The following NELL2 variants were observed in gnomAD, a reference collection of about 807,000 sequenced individuals.
NELL2 encodes the protein protein kinase C-binding protein NELL2.
Under a neutral mutation model 109.6 loss-of-function variants are expected in NELL2, and 41 were observed. The ratio of observed to expected loss-of-function variants is 0.37; its 90% CI spans 0.29 to 0.49. NELL2 has a LOEUF of 0.49. Ranked by LOEUF, NELL2 falls within the 20% of genes least tolerant of loss-of-function variation. The pLI is 0.98. For missense variants in NELL2, 900 were observed against 1,008.3 expected (o/e 0.89, Z 1.45); for synonymous variants, 355 against 344.7 (o/e 1.03, Z -0.33).
chr12:44,887,024 T>C (rs1475929929), intron 1 of NELL2, among the ~76,000 whole-genome samples: 4 of 152,100 alleles, frequency 2.6e-5, no homozygotes, highest in African/African-American at 9.7e-5. Flanking sequence ...CATCCAGTGA[T>C]AGACACTTAG....
chr12:44,799,580 A>G (rs980388881), intron 3 of NELL2, among the ~76,000 whole-genome samples: 1 of 152,128 alleles, frequency 6.6e-6, no homozygotes, highest in African/African-American at 2.4e-5. Context: ...ATAATATATT[A>G]TATTCTTCTA....
chr12:44,745,526 T>C (rs898418254), intron 9 of NELL2, among the ~76,000 whole-genome samples: 1 of 152,172 alleles, frequency 6.6e-6, no homozygotes, highest in Non-Finnish European at 1.5e-5. Context: ...TGTTTGCAGA[T>C]TACATGATTG....
chr12:44,645,110 T>A (rs2136307347), intron 13 of NELL2, among the ~76,000 whole-genome samples: 1 of 152,110 alleles, frequency 6.6e-6, no homozygotes, highest in Admixed American at 6.5e-5. Flanking sequence ...AAAAGAAGAC[T>A]GAAATTTCTT....
chr12:44,718,816 A>C (rs1938619190), intron 9 of NELL2, among the ~76,000 whole-genome samples: 1 of 152,192 alleles, frequency 6.6e-6, no homozygotes, highest in Non-Finnish European at 1.5e-5. Context: ...TATTAATATT[A>C]AACAATGTGA....
chr12:44,880,307 T>C (rs1862007919), upstream of NELL2, among the ~76,000 whole-genome samples: 2 of 152,000 alleles, frequency 1.3e-5, no homozygotes, highest in Admixed American at 1.3e-4. Flanking sequence ...AGAGTAGACA[T>C]ATCTCAAAAG....
rs772117812 is a variant in NELL2 at position 44,756,692 on chromosome 12, G to C, written c.994+18055C>G. The stretch of plus-strand genomic sequence containing the variant: ...TACCTCCTAAAATACTCTTCCTTTA[G>C]CTTCCTTGGTACAATAATACTTCTG... On this transcript the variant is annotated intron_variant, in intron 9 of 19. Transcript: ENST00000429094. Among the ~76,000 whole-genome samples the C allele has an allele frequency of 4.8e-4, 73 of 152,024 alleles. 1 individual carries two copies. The highest frequency in any genetic ancestry group is 8.8e-4 in the Non-Finnish European group (60 of 67,996).
intron 13 of NELL2, among the ~76,000 whole-genome samples, chr12:44,635,226 G>A (rs1416200279): frequency 6.6e-6 from 1 of 152,038 alleles, no homozygotes; most frequent in African/African-American, 2.4e-5. Flanking sequence ...CTCCCATTTG[G>A]TAGGTTGCCT....
At chr12:44,684,139 A>T (rs1214590102) in intron 12 of NELL2, among the ~76,000 whole-genome samples, 2 of 152,190 alleles carry the variant, frequency 1.3e-5, no homozygotes, top group Non-Finnish European at 2.9e-5. Flanking sequence ...TTCCTGGTTT[A>T]GTCTTGGGAG....
At chr12:44,551,992 A>G (rs1346279797) in intron 15 of NELL2, among the ~76,000 whole-genome samples, 1 of 152,142 alleles carries the variant, frequency 6.6e-6, no homozygotes, top group Non-Finnish European at 1.5e-5. Context: ...AGGCATTCCT[A>G]GGTATGCTTT....
At chr12:44,527,725 G>A (rs970477463) in intron 16 of NELL2, among the ~76,000 whole-genome samples, 6 of 152,034 alleles carry the variant, frequency 3.9e-5, no homozygotes, top group Admixed American at 2.6e-4. Context: ...CACGGAAATC[G>A]CAGTAAATGG....
intron 15 of NELL2, among the ~76,000 whole-genome samples, chr12:44,561,839 C>G (rs959876590): frequency 6.6e-6 from 1 of 151,848 alleles, no homozygotes; most frequent in Non-Finnish European, 1.5e-5. Context: ...CATATGGAAC[C>G]AAAAAAGAGT....
At chr12:44,607,481 A>C (rs1592198099) in intron 14 of NELL2, among the ~76,000 whole-genome samples, 1 of 152,264 alleles carries the variant, frequency 6.6e-6, no homozygotes, top group Non-Finnish European at 1.5e-5. Flanking sequence ...TTTCACCCTT[A>C]AAACAAAATA....
Position 44,520,095 on chromosome 12 carries a change from G to A in NELL2, c.2310C>T (p.Thr770=), listed in dbSNP as rs749669759. 2 of 1,614,134 alleles carry A rather than the reference G, an allele frequency of 1.2e-6. No homozygotes were observed. The highest frequency in any genetic ancestry group is 1.7e-6 in the Non-Finnish European group (2 of 1,180,032). The change falls in exon 19 of 20, where the codon ACC becomes ACT. Residue 770 remains threonine (T), a synonymous_variant. Transcript: ENST00000429094. ...CQADTIRNDI[T]KTCLDEMNVV... ...CATTCATTTCGTCCAGGCAAGTCTTGGTGATGTCATTGCGGATGGTGTCAG... is the reference window on the plus strand; with the variant it reads ...CATTCATTTCGTCCAGGCAAGTCTTAGTGATGTCATTGCGGATGGTGTCAG...
At chr12:44,561,074 C>G (rs923558280) in intron 15 of NELL2, among the ~76,000 whole-genome samples, 6 of 152,050 alleles carry the variant, frequency 3.9e-5, no homozygotes, top group Admixed American at 3.9e-4. Flanking sequence ...AAGCAATGAC[C>G]AAAACCACAT....
intron 13 of NELL2, among the ~76,000 whole-genome samples, chr12:44,617,712 A>AAAAAAAAAAAAAAAC (rs1945888562): frequency 6.7e-6 from 1 of 149,232 alleles, no homozygotes. Context: ...AAAAAAAAAA[A>AAAAAAAAAAAAAAAC]AGAAAAAGCA....
At chr12:44,897,236 A>T (rs1173282567) in intron 1 of NELL2, among the ~76,000 whole-genome samples, 1 of 152,208 alleles carries the variant, frequency 6.6e-6, no homozygotes, top group Non-Finnish European at 1.5e-5. Flanking sequence ...CGGAAACCAC[A>T]GAAAACTAAT....
intron 3 of NELL2, among the ~76,000 whole-genome samples, chr12:44,800,933 C>T (rs1942806805): frequency 6.6e-6 from 1 of 152,126 alleles, no homozygotes; most frequent in Admixed American, 6.6e-5. Flanking sequence ...CTTCATGGGT[C>T]ATCATGCCTC....
chr12:44,532,414 C>A, intron 16 of NELL2, 167 bp downstream of exon 16: 1 of 497,602 alleles, frequency 2.0e-6, no homozygotes, highest in South Asian at 8.1e-5. Context: ...ACATTAGATA[C>A]CATAATTAGC....
At chr12:44,669,882 T>A (rs1345593701) in intron 12 of NELL2, among the ~76,000 whole-genome samples, 1 of 152,242 alleles carries the variant, frequency 6.6e-6, no homozygotes, top group Non-Finnish European at 1.5e-5. Flanking sequence ...ACTCTAAACA[T>A]CCAGATACAT....
Sources: gnomAD v4.1 joint callset for allele counts (sites outside exome capture counted in the v4.1 genomes callset) on GRCh38, gnomAD v4.1.1 for gene constraint, MANE v1.5 for transcripts, NCBI Gene and HGNC (gene_info 2026-07-23, HGNC 2026-07-21) for gene names.